IL2RB: variants seen among roughly 807,000 people sequenced by gnomAD.
IL2RB encodes interleukin 2 receptor subunit beta, also known as interleukin-2 receptor subunit beta.
Under a neutral mutation model 44.2 loss-of-function variants are expected in IL2RB, and 17 were observed. The ratio of observed to expected loss-of-function variants is 0.38; its 90% CI spans 0.26 to 0.58. The LOEUF is 0.58. Ranked by LOEUF, IL2RB falls within the 20% of genes least tolerant of loss-of-function variation. The pLI is 0.63. For missense variants in IL2RB, 624 were observed against 685.5 expected, an observed-to-expected ratio of 0.91 and a Z score of 1.00; for synonymous variants, 286 against 297.9, an observed-to-expected ratio of 0.96 and a Z score of 0.41.
intron 1 of IL2RB, among the ~76,000 whole-genome samples, chr22:37,169,468 T>C (rs1923201974): frequency 1.3e-5 from 2 of 152,198 alleles, no homozygotes; most frequent in Admixed American, 6.5e-5. Context: ...CATGTCATCC[T>C]TCACTCTGCA....
At chr22:37,169,064 C>G (rs898002845) in intron 1 of IL2RB, among the ~76,000 whole-genome samples, 8 of 151,540 alleles carry the variant, frequency 5.3e-5, no homozygotes, top group African/African-American at 1.7e-4. Flanking sequence ...TTCTTGTTTT[C>G]AGAGGGGTTC....
intron 1 of IL2RB, among the ~76,000 whole-genome samples, chr22:37,148,920 G>C (rs1601606302): frequency 6.6e-6 from 1 of 152,002 alleles, no homozygotes; most frequent in Non-Finnish European, 1.5e-5. Context: ...AACTCAATGG[G>C]GCCTATGTCC....
intron 4 of IL2RB, 146 bp downstream of exon 4, chr22:37,142,288 T>C (rs228968): frequency 0.16 from 118,538 of 727,256 alleles, 11,489 homozygotes; most frequent in African/African-American, 0.32. Flanking sequence ...TCTCTGCCTC[T>C]TGCTCAGCGC....
At chr22:37,153,923 AG>A (rs564893656), upstream of IL2RB, among the ~76,000 whole-genome samples, 405 of 152,344 alleles carry the variant, frequency 2.7e-3, 5 homozygotes, top group African/African-American at 9.4e-3. Context: ...TCCATGAGAC[AG>A]CATCAGTCTG....
chr22:37,154,766 G>T (rs559679875), upstream of IL2RB, among the ~76,000 whole-genome samples: 11 of 152,080 alleles, frequency 7.2e-5, no homozygotes, highest in African/African-American at 2.7e-4. Flanking sequence ...AGTAGAGATG[G>T]GGTTTCACCA....
intron 1 of IL2RB, among the ~76,000 whole-genome samples, chr22:37,165,400 T>C (rs1026081084): frequency 5.3e-5 from 8 of 152,146 alleles, no homozygotes; most frequent in Admixed American, 5.2e-4. Context: ...TGAATCATGA[T>C]TTTCCCAGGC....
At position 37,142,415 on chromosome 22, in the gene IL2RB, C is replaced by G. The variant is rs373344487; in HGVS notation, c.282+19G>C. On this transcript the variant is annotated intron_variant, in intron 4 of 9. Coordinates refer to ENST00000216223, the MANE Select transcript of IL2RB (RefSeq NM_000878.5). ...AGACCACCCTCTCCCTGCACTCTCT[C>G]CCTGGGTGGGCTACTCACATCTGGG... 3 of 1,611,452 alleles carry G rather than the reference C, an allele frequency of 1.9e-6. No individual in the cohort carries two copies. In the African/African-American group the frequency reaches 4.0e-5, roughly 22 times the overall value.
upstream of IL2RB, among the ~76,000 whole-genome samples, chr22:37,150,263 G>A (rs1423223316): frequency 1.3e-5 from 2 of 151,838 alleles, no homozygotes; most frequent in South Asian, 2.1e-4. Context: ...CCTCCATCCG[G>A]TCACACACAT....
chr22:37,143,624 A>G lies in IL2RB; in HGVS notation c.100T>C (p.Phe34Leu), dbSNP rs1442503379. 1 of 1,613,450 alleles carries G rather than the reference A, an allele frequency of 6.2e-7. No homozygotes were observed. The highest frequency in any genetic ancestry group is 8.5e-7 in the Non-Finnish European group (1 of 1,179,442). Residue 34 changes from phenylalanine to leucine, a missense_variant, in exon 3 of 10, where the codon TTC (phenylalanine) becomes CTC (leucine). By Grantham distance (22) the Phe-to-Leu change is conservative (BLOSUM62 0). Coordinates refer to ENST00000216223, the MANE Select transcript of IL2RB (RefSeq NM_000878.5). ...ASAAVNGTSQ[F>L]TCFYNSRANI... ...GCTCTCGAGTTGTAGAAGCATGTGAACTGGGAAGTGCCTGCCGGGCAAGAT... is the reference window on the plus strand; with the variant it reads ...GCTCTCGAGTTGTAGAAGCATGTGAGCTGGGAAGTGCCTGCCGGGCAAGAT...
upstream of IL2RB, among the ~76,000 whole-genome samples, chr22:37,150,847 C>T (rs1569049869): frequency 6.6e-6 from 1 of 152,162 alleles, no homozygotes; most frequent in Non-Finnish European, 1.5e-5. Context: ...TGTGCCTGGC[C>T]TGTTTCACTT....
chr22:37,162,436 C>G (rs888566978), intron 1 of IL2RB, among the ~76,000 whole-genome samples: 1 of 152,206 alleles, frequency 6.6e-6, no homozygotes, highest in Non-Finnish European at 1.5e-5. Flanking sequence ...TACCTAAATG[C>G]GCACTTGGAA....
intron 1 of IL2RB, among the ~76,000 whole-genome samples, chr22:37,159,847 G>C (rs956891319): frequency 6.6e-6 from 1 of 152,258 alleles, no homozygotes; most frequent in African/African-American, 2.4e-5. Flanking sequence ...CAGGGGTGCT[G>C]GCGTGGGGGC....
intron 1 of IL2RB, among the ~76,000 whole-genome samples, chr22:37,158,103 C>T (rs1483420422): frequency 2.6e-5 from 4 of 152,162 alleles, no homozygotes; most frequent in Non-Finnish European, 5.9e-5. Flanking sequence ...ACCTAAAACT[C>T]ATCAACAGAG....
chr22:37,159,318 T>C (rs922217173), intron 1 of IL2RB, among the ~76,000 whole-genome samples: 1 of 152,116 alleles, frequency 6.6e-6, no homozygotes, highest in Non-Finnish European at 1.5e-5. Flanking sequence ...CTGTCACCGT[T>C]GCCTGCAAAG....
At position 37,128,239 on chromosome 22, in the gene IL2RB, G is replaced by A. The variant is rs777099904; in HGVS notation, c.1513C>T (p.Pro505Ser). Residue 505 changes from proline (P) to serine (S), a missense_variant, in exon 10 of 10, where the codon CCC becomes TCC. Pro to Ser is a moderately conservative substitution (Grantham distance 74, BLOSUM62 -1). Coordinates refer to ENST00000216223, the MANE Select transcript of IL2RB (RefSeq NM_000878.5). The surrounding 1 kb of genome is among the most constrained non-coding windows in gnomAD (Gnocchi z 4.5). ...EAGEEVPDAG[P>S]REGVSFPWSR... ...CAGGGGAAACTGACTCCCTCCCTGG[G>A]GCCAGCGTCAGGGACCTCCTCCCCA... 1.3e-6 allele frequency: 2 copies of A among 1,503,938 alleles called. No individual in the cohort carries two copies. The highest frequency in any genetic ancestry group is 1.8e-6 in the Non-Finnish European group (2 of 1,127,848). 93.2% of individuals were successfully genotyped at this position (1,503,938 alleles called of 1,614,324 possible). A position where few individuals can be genotyped will look rare whatever the true frequency, so the allele number is the denominator to read the frequency against.
At chr22:37,153,196 A>G (rs1569050624), upstream of IL2RB, among the ~76,000 whole-genome samples, 1 of 152,020 alleles carries the variant, frequency 6.6e-6, no homozygotes, top group Non-Finnish European at 1.5e-5. Flanking sequence ...CGGCCTCCCA[A>G]AGTGCTGGGA....
chr22:37,171,450 G>A (rs12167757), intron 1 of IL2RB, among the ~76,000 whole-genome samples: 28,368 of 151,978 alleles, frequency 0.19, 2,834 homozygotes, highest in East Asian at 0.34. Flanking sequence ...TAAGGACTAA[G>A]TAAGTTTCAT....
chr22:37,153,618 C>T (rs1922573017), upstream of IL2RB, among the ~76,000 whole-genome samples: 1 of 152,212 alleles, frequency 6.6e-6, no homozygotes, highest in African/African-American at 2.4e-5. Flanking sequence ...ACAACAGCCA[C>T]AACCATGAGA....
intron 7 of IL2RB, 133 bp from the exon 8 acceptor site, chr22:37,135,575 T>G (rs1396582156): frequency 1.6e-6 from 1 of 617,402 alleles, no homozygotes; most frequent in Non-Finnish European, 2.9e-6. Flanking sequence ...GGGGACAGGG[T>G]TCTGCTAAGC....
Sources: allele counts gnomAD v4.1 joint callset (sites outside exome capture counted in the v4.1 genomes callset), GRCh38; gene constraint gnomAD v4.1.1; non-coding constraint Gnocchi (gnomAD v3.1); transcripts MANE v1.5; gene names NCBI Gene and HGNC (gene_info 2026-07-23, HGNC 2026-07-21).